The following HLCS variants were observed in gnomAD, a reference collection of about 807,000 sequenced individuals.
HLCS encodes biotin--protein ligase.
HLCS carries 53 observed loss-of-function variants against 75.0 expected under a neutral mutation model. The ratio of observed to expected loss-of-function variants is 0.71; its 90% CI spans 0.57 to 0.89. HLCS has a LOEUF of 0.89. HLCS is among the 40% of genes least tolerant of loss of function. The probability of loss-of-function intolerance (pLI) is 0.00; values close to 1 mark genes in which losing one functional copy is unlikely to be tolerated. For missense variants in HLCS, 966 were observed against 1,074.0 expected, an observed-to-expected ratio of 0.90 and a Z score of 1.41; for synonymous variants, 431 against 428.6, an observed-to-expected ratio of 1.01 and a Z score of -0.07.
intron 6 of HLCS, among the ~76,000 whole-genome samples, chr21:36,800,178 AG>A (rs1389243760): frequency 6.6e-6 from 1 of 152,152 alleles, no homozygotes; most frequent in East Asian, 1.9e-4. Context: ...ATCATCAAAG[AG>A]GACCATGGTG....
chr21:36,903,712 A>G (rs958443443), intron 5 of HLCS, among the ~76,000 whole-genome samples: 1 of 152,202 alleles, frequency 6.6e-6, no homozygotes, highest in Non-Finnish European at 1.5e-5. Context: ...TTTAAGAAAC[A>G]TGTATGGAGT....
At chr21:36,884,955 CTTTTGAAATGACTGTGAA>C in intron 6 of HLCS, among the ~76,000 whole-genome samples, 1 of 152,144 alleles carries the variant, frequency 6.6e-6, no homozygotes, top group South Asian at 2.1e-4. Flanking sequence ...AGATTTGGCT[CTTTTGAAATGACTGTGAA>C]TTACCTGTGA....
In HLCS at chr21:36,803,723, T is replaced by G. The variant is rs1601321696; in HGVS notation, c.1893-36438A>C. Among the ~76,000 whole-genome samples the G allele has an allele frequency of 3.5e-5, 5 of 141,478 alleles. No individual in the cohort carries two copies. In the Admixed American group the frequency reaches 3.7e-4, roughly 10 times the overall value. The allele number at this position is 141,478 out of a possible 152,430, so 92.8% of individuals were successfully genotyped here. ...CATAAGGTGAAAAAAACTTCCAAAG[T>G]GTTTTGTTTTGTTTTGTTTGTTTTT... On this transcript the variant is annotated intron_variant, in intron 6 of 10. Transcript: ENST00000674895.
intron 6 of HLCS, among the ~76,000 whole-genome samples, chr21:36,788,065 A>G (rs1473964274): frequency 6.6e-6 from 1 of 152,140 alleles, no homozygotes; most frequent in Non-Finnish European, 1.5e-5. Context: ...TCAAGCTTCT[A>G]CAAAACTGTG....
chr21:36,883,954 C>T (rs115582833), intron 6 of HLCS, among the ~76,000 whole-genome samples: 2,355 of 152,212 alleles, frequency 0.015, 61 homozygotes, highest in African/African-American at 0.053. Context: ...GCCACAGCCC[C>T]GAAAAGCCGG....
At chr21:36,767,455 C>T (rs1226138912) in intron 6 of HLCS, among the ~76,000 whole-genome samples, 170 bp from the exon 7 acceptor site, 3 of 152,144 alleles carry the variant, frequency 2.0e-5, no homozygotes, top group African/African-American at 7.2e-5. Context: ...GGATATCACC[C>T]TCCTTTCTAA....
chr21:36,777,765 C>T (rs1030578414), intron 6 of HLCS, among the ~76,000 whole-genome samples: 2 of 152,112 alleles, frequency 1.3e-5, no homozygotes, highest in African/African-American at 2.4e-5. Flanking sequence ...GGCCTGACAT[C>T]GGGAGGCAGG....
At chr21:36,964,889 T>A (rs917691351) in intron 1 of HLCS, among the ~76,000 whole-genome samples, 7 of 152,242 alleles carry the variant, frequency 4.6e-5, no homozygotes, top group Non-Finnish European at 5.9e-5. Flanking sequence ...TACAAAAAGC[T>A]CACCCCTCAA....
chr21:36,850,793 A>G (rs565218094), intron 6 of HLCS, among the ~76,000 whole-genome samples: 3 of 152,240 alleles, frequency 2.0e-5, no homozygotes, highest in African/African-American at 7.2e-5. Flanking sequence ...TCTTGCCCTC[A>G]AATGTTCATG....
upstream of HLCS, among the ~76,000 whole-genome samples, chr21:36,969,810 T>A (rs2068737163): frequency 6.6e-6 from 1 of 152,074 alleles, no homozygotes; most frequent in African/African-American, 2.4e-5. Context: ...TAACCTCAGG[T>A]GATCGTCCCA....
chr21:36,896,942 G>A lies in HLCS; in HGVS notation c.1810C>T (p.Arg604Cys), dbSNP rs547391411. The A allele has an allele frequency of 1.2e-5, 20 of 1,614,126 alleles. No individual in the cohort carries two copies. Among genetic ancestry groups the A allele is most frequent in the East Asian group, 4.5e-5 (2 of 44,880 alleles). ...AACTGCTTGGTCTGCAGATTTTGGCGATAGATCTCTAAGTTGAAATGTTCT... is the reference window on the plus strand; with the variant it reads ...AACTGCTTGGTCTGCAGATTTTGGCAATAGATCTCTAAGTTGAAATGTTCT... ...SSEHFNLEIY[R>C]QNLQTKQLGK... is the part of the protein sequence containing the mutation. The change falls in exon 6 of 11, where the codon CGC becomes TGC. Residue 604 changes from arginine (R) to cysteine (C), a missense_variant. By Grantham distance (180) the Arg-to-Cys change is radical. Transcript: ENST00000674895.
At chr21:36,805,813 T>C (rs560078061) in intron 6 of HLCS, among the ~76,000 whole-genome samples, 1 of 152,144 alleles carries the variant, frequency 6.6e-6, no homozygotes. Flanking sequence ...GAGGCGTCCA[T>C]CACTAGACGT....
Position 36,936,812 on chromosome 21 carries a change from C to T in HLCS, c.1074G>A (p.Thr358=), listed in dbSNP as rs116985497. The change falls in exon 4 of 11, where the codon ACG becomes ACA. Residue 358 remains threonine (T), a synonymous_variant. Transcript: ENST00000674895. ...LEDSALRDPW[T]DNCLLLVIAT... ...CAATGACCAACAGCAGACAGTTGTCCGTCCACGGGTCTCTGAGAGCACTGT... is the reference window on the plus strand; with the variant it reads ...CAATGACCAACAGCAGACAGTTGTCTGTCCACGGGTCTCTGAGAGCACTGT... 5,177 of 1,614,166 alleles carry T rather than the reference C, an allele frequency of 3.2e-3. 18 individuals carry two copies. Among genetic ancestry groups the T allele is most frequent in the Non-Finnish European group, 3.9e-3 (4,581 of 1,180,032 alleles).
intron 6 of HLCS, among the ~76,000 whole-genome samples, chr21:36,853,970 A>C (rs1309294614): frequency 2.6e-5 from 4 of 152,212 alleles, no homozygotes; most frequent in African/African-American, 9.6e-5. Flanking sequence ...AAAATGGGTT[A>C]TATTAGTATA....
chr21:36,759,606 C>T (rs565636289), intron 9 of HLCS, 121 bp downstream of exon 9: 4 of 703,896 alleles, frequency 5.7e-6, no homozygotes, highest in Admixed American at 2.0e-5. Flanking sequence ...TCCAAAACTA[C>T]AAGACTCAAA....
chr21:36,883,813 A>G lies in HLCS; in HGVS notation c.1892+13047T>C, dbSNP rs1047085866. On this transcript the variant is annotated intron_variant, in intron 6 of 10. Transcript: ENST00000674895. Reference sequence around the variant, plus strand: ...GACCTTCCCCACATGAATGGCTGCCAGGTCCGACCCGCAGACCATGGCTGA... The same window carrying G: ...GACCTTCCCCACATGAATGGCTGCCGGGTCCGACCCGCAGACCATGGCTGA... 2.6e-5 allele frequency among the ~76,000 whole-genome samples: 4 copies of G among 152,302 alleles called. No individual in the cohort carries two copies. The East Asian group carries it at 7.7e-4, about 29-fold the overall frequency.
chr21:36,823,272 AG>A (rs1382439746), intron 6 of HLCS, among the ~76,000 whole-genome samples: 1 of 152,242 alleles, frequency 6.6e-6, no homozygotes, highest in Non-Finnish European at 1.5e-5. Context: ...ATCAATGGAT[AG>A]TCTAAGAGGT....
chr21:36,889,148 A>G (rs979704787), intron 6 of HLCS, among the ~76,000 whole-genome samples: 4 of 152,352 alleles, frequency 2.6e-5, no homozygotes, highest in African/African-American at 7.2e-5. Context: ...TGAGGCAAAG[A>G]AGTCAAATCT....
chr21:36,909,583 T>C (rs2146391153), intron 5 of HLCS, among the ~76,000 whole-genome samples: 1 of 152,348 alleles, frequency 6.6e-6, no homozygotes, highest in South Asian at 2.1e-4. Flanking sequence ...CATGTTATAC[T>C]GTGTCTCGCC....
Sources: gnomAD v4.1 joint callset for allele counts (sites outside exome capture counted in the v4.1 genomes callset) on GRCh38, gnomAD v4.1.1 for gene constraint, MANE v1.5 for transcripts, NCBI Gene and HGNC (gene_info 2026-07-23, HGNC 2026-07-21) for gene names.